FBRSL1: variants seen among roughly 807,000 people sequenced by gnomAD.
FBRSL1 encodes the protein fibrosin like 1.
Under a neutral mutation model 89.6 loss-of-function variants are expected in FBRSL1, and 51 were observed. The ratio of observed to expected loss-of-function variants is 0.57; its 90% confidence interval spans 0.45 to 0.72. The LOEUF (loss-of-function observed/expected upper bound fraction) is 0.72, where lower values mean the gene tolerates loss of function less well. Among genes scored for constraint, FBRSL1 ranks in the 30% least tolerant of loss-of-function variants. The pLI, the probability that FBRSL1 is intolerant of heterozygous loss-of-function variation, is 0.00. For missense variants in FBRSL1, 1,618 were observed against 1,451.8 expected (o/e 1.11, Z -1.86); for synonymous variants, 779 against 681.1 (o/e 1.14, Z -2.24).
chr12:132,565,392 C>A (rs1474470843), intron 5 of FBRSL1: 1 of 152,244 alleles, frequency 6.6e-6, no homozygotes, highest in African/African-American at 2.4e-5. Flanking sequence ...ACATGTGATG[C>A]TCATGTAAAC....
rs771209131 is a variant in FBRSL1 at position 132,499,899 on chromosome 12, C to T, written c.292-8254C>T. Among the ~76,000 whole-genome samples, 4 of 152,128 alleles carry T rather than the reference C, an allele frequency of 2.6e-5. No homozygotes were observed. Among genetic ancestry groups the T allele is most frequent in the Admixed American group, 6.5e-5 (1 of 15,286 alleles). The stretch of plus-strand genomic sequence containing the variant: ...GTTGGCGCAGCAGAGCTGTGCTGAT[C>T]TGGTTTGTGAGCTGGCCTGTGGGGT... On this transcript the variant is annotated intron_variant, in intron 1 of 18. Coordinates refer to ENST00000680143, the MANE Select transcript of FBRSL1 (RefSeq NM_001367871.1). The surrounding 1 kb of genome is among the most constrained non-coding windows in gnomAD (Gnocchi z 4.3).
chr12:132,493,705 C>A (rs899389299), intron 1 of FBRSL1, among the ~76,000 whole-genome samples: 1 of 152,128 alleles, frequency 6.6e-6, no homozygotes, highest in Non-Finnish European at 1.5e-5. Context: ...GGCAGGCCCC[C>A]GCCCCCTTTG....
chr12:132,518,398 GTCCA>G (rs1207600541), intron 2 of FBRSL1, among the ~76,000 whole-genome samples: 1 of 148,824 alleles, frequency 6.7e-6, no homozygotes, highest in Non-Finnish European at 1.5e-5. Flanking sequence ...CCACCTGTCT[GTCCA>G]TCCATCCACC....
At chr12:132,582,718 G>A (rs1052715978) in intron 18 of FBRSL1, among the ~76,000 whole-genome samples, 4 of 152,124 alleles carry the variant, frequency 2.6e-5, no homozygotes, top group Admixed American at 2.6e-4. Flanking sequence ...AACAGGGAGG[G>A]GCCCGTGGGG....
intron 2 of FBRSL1, chr12:132,511,315 C>A: frequency 1.0e-6 from 1 of 985,766 alleles, no homozygotes; most frequent in Non-Finnish European, 1.2e-6. Flanking sequence ...CCCCACAGTC[C>A]CCTGCAGCGT....
At chr12:132,511,834 T>TGCC in intron 2 of FBRSL1, 19 of 898,984 alleles carry the variant, frequency 2.1e-5, no homozygotes, top group South Asian at 1.0e-4. Flanking sequence ...GCCCCCTCGC[T>TGCC]CCCCACCCAC....
chr12:132,494,134 C>T (rs1162857360), intron 1 of FBRSL1, among the ~76,000 whole-genome samples: 1 of 152,162 alleles, frequency 6.6e-6, no homozygotes, highest in Admixed American at 6.5e-5. Flanking sequence ...GCCCCGCTGG[C>T]CTCTCCCCTG....
intron 18 of FBRSL1, 128 bp from the exon 19 acceptor site, chr12:132,582,843 G>A: frequency 1.5e-6 from 1 of 686,984 alleles, no homozygotes; most frequent in Non-Finnish European, 2.1e-6. Context: ...TGCGGGAGCT[G>A]TGGGTGCTGA....
In FBRSL1 at chr12:132,501,037, G is replaced by T. The variant is rs190470283; in HGVS notation, c.292-7116G>T. Among the ~76,000 whole-genome samples, 353 of 152,336 alleles carry T rather than the reference G, an allele frequency of 2.3e-3. 16 individuals carry two copies. The East Asian group carries it at 0.059, about 25-fold the overall frequency. On this transcript the variant is annotated intron_variant, in intron 1 of 18. Transcript: ENST00000680143. Reference sequence around the variant, plus strand: ...ACCATGTGGCCAGGAGCTGGGCGGGGAAGGAGCCCAAGGGGCCTGCAGCCA... The same window carrying T: ...ACCATGTGGCCAGGAGCTGGGCGGGTAAGGAGCCCAAGGGGCCTGCAGCCA...
chr12:132,583,300 G>A lies in FBRSL1; in HGVS notation c.2531G>A (p.Arg844His), dbSNP rs2040919215. 1.7e-6 allele frequency: 2 copies of A among 1,198,522 alleles called. No homozygotes were observed. Among genetic ancestry groups the A allele is most frequent in the Non-Finnish European group, 2.1e-6 (2 of 964,126 alleles). The allele number at this position is 1,198,522 out of a possible 1,614,324, so 74.2% of individuals were successfully genotyped here. The change falls in exon 19 of 19, where the codon CGC (arginine) becomes CAC (histidine). Residue 844 changes from arginine (R) to histidine (H), a missense_variant. Transcript: ENST00000680143. ...CTGCAGCTCGGCCTGGGCCGCGAGC[G>A]CCTGGGCGCGCCGGGCTTCGCGTGG... The part of the protein sequence containing the change: ...APLQLGLGRE[R>H]LGAPGFAWEP...
chr12:132,561,069 G>C (rs1021943006), intron 5 of FBRSL1, among the ~76,000 whole-genome samples: 6 of 152,212 alleles, frequency 3.9e-5, no homozygotes, highest in African/African-American at 1.4e-4. Flanking sequence ...CCAGAGGGCC[G>C]GCCCCTGTTC....
At chr12:132,580,689 C>T (rs563317980) in intron 15 of FBRSL1, 72 of 779,984 alleles carry the variant, frequency 9.2e-5, no homozygotes, top group African/African-American at 5.5e-4. Context: ...TACAACTTGC[C>T]GCGTCCTACA....
rs981512793 is a variant in FBRSL1 at position 132,546,607 on chromosome 12, G to T, written c.616-1396G>T. On this transcript the variant is annotated intron_variant, in intron 4 of 18. Transcript: ENST00000680143. The surrounding 1 kb of genome is among the most constrained non-coding windows in gnomAD (Gnocchi z 4.0). ...ACGGCTGAAAGGCCAGACCGGGGGG[G>T]ACCCTAGGAGAGGGCTTGGCCACGG... Among the ~76,000 whole-genome samples the T allele has an allele frequency of 6.6e-6, 1 of 151,370 alleles. No homozygotes were observed. Among genetic ancestry groups the T allele is most frequent in the Non-Finnish European group, 1.5e-5 (1 of 67,732 alleles).
In FBRSL1 at chr12:132,576,820, A is replaced by C. The variant is rs557790231; in HGVS notation, c.1723A>C (p.Lys575Gln). 3.0e-5 allele frequency: 46 copies of C among 1,550,632 alleles called. No individual in the cohort carries two copies. The South Asian group carries it at 5.4e-4, about 18-fold the overall frequency. Residue 575 changes from lysine (K) to glutamine (Q), a missense_variant, in exon 15 of 19, where the codon AAG (lysine) becomes CAG (glutamine). Lys to Gln is a moderately conservative substitution (Grantham distance 53). Coordinates refer to ENST00000680143, the MANE Select transcript of FBRSL1 (RefSeq NM_001367871.1). ...CCAGGAGATGCAGCTGGACCCCCAC[A>C]AGCTGGAGGTGGGTGCAAAGCTGGA... ...KIKEMQLDPHKLEVGAKLDLF... is the reference protein window; with the variant it reads ...KIKEMQLDPHQLEVGAKLDLF...
intron 2 of FBRSL1, chr12:132,510,427 C>A (rs1471980131): frequency 1.6e-6 from 2 of 1,232,000 alleles, no homozygotes; most frequent in Admixed American, 8.4e-5. Flanking sequence ...CAGGCCCCAT[C>A]TGTGAGCCCT....
chr12:132,564,534 C>G (rs141151782), intron 5 of FBRSL1, among the ~76,000 whole-genome samples: 53,593 of 111,486 alleles, frequency 0.48, 11,721 homozygotes, highest in East Asian at 0.84. Context: ...CTCGCTCTGT[C>G]GCCCAGGCTG....
intron 1 of FBRSL1, among the ~76,000 whole-genome samples, chr12:132,503,108 C>T (rs986917208): frequency 4.1e-5 from 6 of 148,128 alleles, no homozygotes; most frequent in African/African-American, 1.5e-4. Flanking sequence ...AGTGCCCCGC[C>T]TCCCACCCCA....
chr12:132,498,635 T>G (rs1324618296), intron 1 of FBRSL1, among the ~76,000 whole-genome samples: 1 of 152,164 alleles, frequency 6.6e-6, no homozygotes, highest in Non-Finnish European at 1.5e-5. Flanking sequence ...CTGGGAGCTT[T>G]GGGAGGTGCC....
rs1302227335 is a variant in FBRSL1, at chr12:132,583,824, GTC to G, written c.*51_*52del. 3 of 1,100,062 alleles carry G rather than the reference GTC, an allele frequency of 2.7e-6. No individual in the cohort carries two copies. The highest frequency in any genetic ancestry group is 4.6e-5 in the Admixed American group (1 of 21,744). 68.1% of individuals were successfully genotyped at this position (1,100,062 alleles called of 1,614,324 possible). A position where few individuals can be genotyped will look rare whatever the true frequency, so the allele number is the denominator to read the frequency against. On this transcript the variant is annotated 3_prime_UTR_variant, in exon 19 of 19. Coordinates refer to ENST00000680143, the MANE Select transcript of FBRSL1 (RefSeq NM_001367871.1). The stretch of plus-strand genomic sequence containing the variant: ...CTCCGAGCGGAGCGCACCGCTGTCC[GTC>G]TCTCCATCAGTTCCTAGAACTCAAG...
Sources: allele counts gnomAD v4.1 joint callset (sites outside exome capture counted in the v4.1 genomes callset), GRCh38; gene constraint gnomAD v4.1.1; non-coding constraint Gnocchi (gnomAD v3.1); transcripts MANE v1.5; gene names NCBI Gene and HGNC (gene_info 2026-07-23, HGNC 2026-07-21).